SEMA4D: variants seen among roughly 807,000 people sequenced by gnomAD.
SEMA4D encodes semaphorin-4D.
A neutral mutation model predicts 74.8 loss-of-function variants in SEMA4D; 22 were observed. That is an observed-to-expected ratio of 0.29 (90% CI 0.21 to 0.42). The LOEUF (loss-of-function observed/expected upper bound fraction) is 0.42. Among genes scored for constraint, SEMA4D ranks in the 10% least tolerant of loss-of-function variants. The pLI, the probability that SEMA4D is intolerant of heterozygous loss-of-function variation, is 1.00. For missense variants in SEMA4D, 937 were observed against 1,118.4 expected (o/e 0.84, Z 2.31); for synonymous variants, 445 against 463.7 (o/e 0.96, Z 0.52).
At chr9:89,415,715 T>A (rs1311863448) in intron 2 of SEMA4D, among the ~76,000 whole-genome samples, 1 of 152,192 alleles carries the variant, frequency 6.6e-6, no homozygotes, top group Non-Finnish European at 1.5e-5. Flanking sequence ...TAAATAAATG[T>A]CTGTTTTTAT....
At chr9:89,388,556 C>G in intron 11 of SEMA4D, 80 bp downstream of exon 11, 1 of 1,507,404 alleles carries the variant, frequency 6.6e-7, no homozygotes. Flanking sequence ...AGCCCATGAG[C>G]AGGCCCCAGT....
rs557687844 is a variant in SEMA4D at position 89,379,076 on chromosome 9, G to A, written c.2217C>T (p.Leu739=). ...GGAAGAGAACAAAGAAGAAGAGGAA[G>A]AGGGACATGAGGAGGCGGTTGTCGC... ...KSSDNRLLMS[L]FLFFFVLFLC... The change falls in exon 16 of 16, where the codon CTC becomes CTT. Residue 739 remains leucine, a synonymous_variant. Transcript: ENST00000422704. The A allele has an allele frequency of 2.7e-5, 43 of 1,613,940 alleles. No individual in the cohort carries two copies. The South Asian group carries it at 3.6e-4, about 14-fold the overall frequency.
intron 18 of SEMA4D, chr9:89,362,440 A>T (rs376620202): frequency 6.2e-7 from 1 of 1,613,968 alleles, no homozygotes; most frequent in Admixed American, 1.7e-5. Flanking sequence ...TGAAAGAACA[A>T]TGTGGTCTTT....
intron 1 of SEMA4D, among the ~76,000 whole-genome samples, chr9:89,466,441 A>G (rs1858727014): frequency 6.6e-6 from 1 of 152,054 alleles, no homozygotes; most frequent in Admixed American, 6.5e-5. Flanking sequence ...CCACACCTAC[A>G]ACACCTGGGA....
At chr9:89,418,486 T>C (rs1846180889) in intron 2 of SEMA4D, 2 of 905,742 alleles carry the variant, frequency 2.2e-6, no homozygotes, top group East Asian at 1.2e-4. Context: ...TCCAGATATG[T>C]ATCCTTTAAA....
At chr9:89,461,864 G>A (rs566796241) in intron 1 of SEMA4D, among the ~76,000 whole-genome samples, 31 of 151,746 alleles carry the variant, frequency 2.0e-4, no homozygotes, top group Non-Finnish European at 3.4e-4. Flanking sequence ...CACTACGCCC[G>A]GCTAATTTTT....
intron 12 of SEMA4D, chr9:89,387,161 T>G: frequency 2.9e-5 from 15 of 510,510 alleles, no homozygotes; most frequent in Non-Finnish European, 3.8e-5. Context: ...AGGACTTGCA[T>G]TTTTATTTTT....
chr9:89,471,245 C>T (rs1053079696), intron 1 of SEMA4D, among the ~76,000 whole-genome samples: 1 of 152,056 alleles, frequency 6.6e-6, no homozygotes, highest in African/African-American at 2.4e-5. Context: ...TACAGAGTTT[C>T]CATTTGGGAT....
chr9:89,479,203 C>T (rs1006234242), intron 1 of SEMA4D, among the ~76,000 whole-genome samples: 3 of 152,184 alleles, frequency 2.0e-5, no homozygotes, highest in African/African-American at 7.2e-5. Flanking sequence ...GGGGAAGCCA[C>T]ATTGGGGGTC....
rs950059191 is a variant in SEMA4D, at chr9:89,458,750, CACAT to C, written c.-309-2801_-309-2798del. Among the ~76,000 whole-genome samples, 38 of 152,196 alleles carry C rather than the reference CACAT, an allele frequency of 2.5e-4. No homozygotes were observed. The South Asian group carries it at 2.7e-3, about 11-fold the overall frequency. On this transcript the variant is annotated intron_variant, in intron 1 of 15. Transcript: ENST00000422704. ...ATCCATACACACTCATGCACACACACACATATACATATATGCACATACAAACATG... is the reference window on the plus strand; with the variant it reads ...ATCCATACACACTCATGCACACACACATACATATATGCACATACAAACATG...
At chr9:89,487,232 A>C (rs1314342371) in intron 1 of SEMA4D, among the ~76,000 whole-genome samples, 3 of 151,490 alleles carry the variant, frequency 2.0e-5, no homozygotes, top group African/African-American at 7.3e-5. Flanking sequence ...GAATGATTTA[A>C]CATTCAAAAG....
At position 89,382,218 on chromosome 9, in the gene SEMA4D, C is replaced by T. The variant is rs146031847; in HGVS notation, c.1447-872G>A. Among the ~76,000 whole-genome samples, 254 of 152,352 alleles carry T rather than the reference C, an allele frequency of 1.7e-3. 1 individual carries two copies. Among genetic ancestry groups the T allele is most frequent in the South Asian group, 0.012 (59 of 4,824 alleles). ...GGGTGCCCCACATGCAGTGCACCCA[C>T]CTGAAGCTCGGGGGCGTGCAACAGA... On this transcript the variant is annotated intron_variant, in intron 13 of 15. Transcript: ENST00000422704.
chr9:89,408,670 A>T (rs1248765685), intron 2 of SEMA4D, among the ~76,000 whole-genome samples: 1 of 151,582 alleles, frequency 6.6e-6, no homozygotes, highest in African/African-American at 2.4e-5. Context: ...CCACTAGAGG[A>T]GGAGGAGGAG....
intron 1 of SEMA4D, among the ~76,000 whole-genome samples, chr9:89,478,193 A>G (rs1862239511): frequency 6.6e-6 from 1 of 152,196 alleles, no homozygotes; most frequent in Admixed American, 6.5e-5. Flanking sequence ...AAGAGATGCA[A>G]TCTTGTTTGC....
intron 2 of SEMA4D, among the ~76,000 whole-genome samples, chr9:89,406,729 G>C (rs960533648): frequency 1.3e-5 from 2 of 152,090 alleles, no homozygotes; most frequent in Admixed American, 1.3e-4. Flanking sequence ...TGAGTCCCTT[G>C]CTCCCCCTTC....
chr9:89,428,666 C>T (rs1047641213), intron 2 of SEMA4D, among the ~76,000 whole-genome samples: 1 of 152,244 alleles, frequency 6.6e-6, no homozygotes, highest in Non-Finnish European at 1.5e-5. Flanking sequence ...CCCACTGTCT[C>T]CAAGACTGCT....
intron 1 of SEMA4D, among the ~76,000 whole-genome samples, chr9:89,468,067 T>A (rs187732812): frequency 1.3e-5 from 2 of 152,276 alleles, no homozygotes; most frequent in African/African-American, 4.8e-5. Context: ...ACTAGGGTAG[T>A]CGTGGTGTTA....
Position 89,405,338 on chromosome 9 carries a change from T to A in SEMA4D, c.106+13A>T, listed in dbSNP as rs1161978867. On this transcript the variant is annotated intron_variant, in intron 3 of 15. Transcript: ENST00000422704. ...CCCAGGCCATCAGCACCCCTGCAGG[T>A]TTCGTCACTCACCTCTGTGCTCCCA... is the stretch of plus-strand genomic sequence containing the variant. The A allele has an allele frequency of 6.2e-7, 1 of 1,611,886 alleles. No individual in the cohort carries two copies. The highest frequency in any genetic ancestry group is 1.7e-5 in the Admixed American group (1 of 60,010).
At chr9:89,364,708 C>CA (rs138362745) in intron 16 of SEMA4D, 7,737 of 153,374 alleles carry the variant, frequency 0.05, 259 homozygotes, top group South Asian at 0.096. Flanking sequence ...CACACACACT[C>CA]AGACCATCTG....
Sources: allele counts gnomAD v4.1 joint callset (sites outside exome capture counted in the v4.1 genomes callset), GRCh38; gene constraint gnomAD v4.1.1; transcripts MANE v1.5; gene names NCBI Gene and HGNC (gene_info 2026-07-23, HGNC 2026-07-21).